BDP1: variants seen among roughly 807,000 people sequenced by gnomAD.
BDP1 encodes the protein transcription factor TFIIIB component B'' homolog.
Under a neutral mutation model 266.6 loss-of-function variants are expected in BDP1, and 169 were observed. The observed-to-expected ratio is 0.63, with a 90% confidence interval of 0.56 to 0.72. The LOEUF (loss-of-function observed/expected upper bound fraction) is 0.72. Among genes scored for constraint, BDP1 ranks in the 30% least tolerant of loss-of-function variants. The pLI is 0.00. For missense variants in BDP1, 3,015 were observed against 3,053.8 expected (o/e 0.99, Z 0.30); for synonymous variants, 1,090 against 1,022.4 (o/e 1.07, Z -1.26).
intron 6 of BDP1, among the ~76,000 whole-genome samples, chr5:71,469,081 A>G (rs1449841430): frequency 3.9e-5 from 6 of 152,146 alleles, no homozygotes; most frequent in Admixed American, 6.5e-5. Flanking sequence ...GAGTAAAAAG[A>G]TTCTATACTT....
In BDP1 at chr5:71,524,025, G is replaced by A; in HGVS notation, c.5474G>A (p.Arg1825Lys). The A allele has an allele frequency of 6.2e-7, 1 of 1,614,180 alleles. No individual in the cohort carries two copies. The highest frequency in any genetic ancestry group is 8.5e-7 in the Non-Finnish European group (1 of 1,180,040). Residue 1825 changes from arginine to lysine, a missense_variant, in exon 25 of 39, where the codon AGA becomes AAA. Physicochemically the swap from Arg to Lys is conservative, Grantham distance 26. Coordinates refer to ENST00000358731, the MANE Select transcript of BDP1 (RefSeq NM_018429.3). ...TTISSTSEYE[R>K]NRGERRSHKK... is the part of the protein sequence containing the mutation. ...ATCTCTTCTACATCTGAGTATGAGA[G>A]AAATCGTGGTGAAAGGAGAAGTCAT...
chr5:71,527,627 TTG>T (rs1289532552), intron 25 of BDP1, among the ~76,000 whole-genome samples: 1 of 152,104 alleles, frequency 6.6e-6, no homozygotes, highest in South Asian at 2.1e-4. Context: ...TAATATTCCA[TTG>T]TGTGTGTGTA....
chr5:71,458,830 T>C lies in BDP1; in HGVS notation c.464T>C (p.Leu155Ser). Residue 155 changes from leucine to serine, a missense_variant, in exon 2 of 39, where the codon TTA becomes TCA. This residue lies in a region of BDP1 where 2,383 missense variants were observed against 2,404.9 expected (regional missense o/e 0.99). Transcript: ENST00000358731. The part of the protein sequence containing the change: ...IYKAQKLREM[L>S]KEELRKEKKQ... ...AAAGCCCAGAAACTGAGGGAAATGT[T>C]AAAAGAAGAATTGAGAAAAGAGAAG... The C allele has an allele frequency of 6.2e-7, 1 of 1,611,680 alleles. No individual in the cohort carries two copies. The highest frequency in any genetic ancestry group is 8.5e-7 in the Non-Finnish European group (1 of 1,179,568).
At chr5:71,523,176 A>C (rs951007741) in intron 24 of BDP1, among the ~76,000 whole-genome samples, 2 of 152,214 alleles carry the variant, frequency 1.3e-5, no homozygotes, top group African/African-American at 4.8e-5. Context: ...TTTCAAAGAA[A>C]ATGGAAAGAA....
chr5:71,478,258 A>G (rs1762720529), intron 7 of BDP1, among the ~76,000 whole-genome samples: 1 of 152,172 alleles, frequency 6.6e-6, no homozygotes, highest in African/African-American at 2.4e-5. Context: ...TCAAAAACAA[A>G]AACAAAAACA....
Position 71,524,152 on chromosome 5 carries a change from T to A in BDP1, c.5601T>A (p.Thr1867=). The A allele has an allele frequency of 6.2e-7, 1 of 1,614,230 alleles. No homozygotes were observed. The highest frequency in any genetic ancestry group is 8.5e-7 in the Non-Finnish European group (1 of 1,180,044). The change falls in exon 25 of 39, where the codon ACT becomes ACA. Residue 1867 remains threonine (T), a synonymous_variant. Transcript: ENST00000358731. ...GAGCTTCCAAGGCCATGCTGGTGAC[T>A]CTTCGGGCTTCCCAGGAAGAAGATG... is the stretch of plus-strand genomic sequence containing the variant. ...EPRASKAMLV[T]LRASQEEDDD...
intron 9 of BDP1, among the ~76,000 whole-genome samples, chr5:71,488,213 C>T (rs1763382626): frequency 6.6e-6 from 1 of 151,980 alleles, no homozygotes; most frequent in Admixed American, 6.5e-5. Flanking sequence ...GAATCCTTCA[C>T]TGCTCGAGTT....
intron 38 of BDP1, among the ~76,000 whole-genome samples, chr5:71,564,166 T>C (rs1227098941): frequency 6.6e-6 from 1 of 152,096 alleles, no homozygotes; most frequent in African/African-American, 2.4e-5. Context: ...AATTTCTATA[T>C]ATATTGGGGT....
intron 6 of BDP1, 77 bp from the exon 7 acceptor site, chr5:71,470,318 A>G (rs1287280161): frequency 9.0e-7 from 1 of 1,114,782 alleles, no homozygotes; most frequent in African/African-American, 1.6e-5. Context: ...AAGTACTGTC[A>G]AATTCTGTAA....
intron 29 of BDP1, 148 bp downstream of exon 29, chr5:71,541,830 G>T: frequency 1.7e-6 from 1 of 585,288 alleles, no homozygotes; most frequent in Non-Finnish European, 2.9e-6. Context: ...TTAGTGGTTT[G>T]CATGTTTAAA....
At chr5:71,483,820 T>G in intron 7 of BDP1, 22 bp from the exon 8 acceptor site, 1 of 1,580,706 alleles carries the variant, frequency 6.3e-7, no homozygotes, top group Non-Finnish European at 8.7e-7. Flanking sequence ...AAAATTACCA[T>G]AGGGTTTTTT....
intron 35 of BDP1, among the ~76,000 whole-genome samples, chr5:71,555,866 T>C (rs1025604531): frequency 6.6e-6 from 1 of 152,216 alleles, no homozygotes; most frequent in Admixed American, 6.5e-5. Flanking sequence ...TTAATATGAA[T>C]TTTAGAATTA....
At chr5:71,568,727 T>C (rs4062889), downstream of BDP1, among the ~76,000 whole-genome samples, 120,440 of 152,230 alleles carry the variant, frequency 0.79, 48,141 homozygotes, top group East Asian at 0.88. Flanking sequence ...CTCTTATATA[T>C]GTATGTCTTC....
chr5:71,529,375 G>A (rs1561756211), intron 25 of BDP1, among the ~76,000 whole-genome samples: 1 of 150,406 alleles, frequency 6.6e-6, no homozygotes, highest in Admixed American at 6.6e-5. Context: ...GGGCGAAAGA[G>A]CGAAGCTCTG....
At chr5:71,533,482 T>TG (rs1383165779) in intron 26 of BDP1, among the ~76,000 whole-genome samples, 2 of 151,714 alleles carry the variant, frequency 1.3e-5, no homozygotes, top group East Asian at 3.9e-4. Context: ...TTTTTTTTTT[T>TG]TTTGAGACGG....
In BDP1 at chr5:71,470,398, CAG is replaced by C; in HGVS notation, c.925_926del (p.Asp309TyrfsTer12). ...TCTAAATCTTTTATTTTCACAGAAA[CAG>C]ATATGTTTTTTTTAGCCATCAGCAT... On this transcript the variant is annotated frameshift_variant, in exon 7 of 39. Transcript: ENST00000358731. LOFTEE classifies it high-confidence loss of function. 6.3e-7 allele frequency: 1 copy of C among 1,589,768 alleles called. No homozygotes were observed. Among genetic ancestry groups the C allele is most frequent in the Non-Finnish European group, 8.6e-7 (1 of 1,164,156 alleles).
intron 10 of BDP1, 106 bp from the exon 11 acceptor site, chr5:71,490,878 G>A (rs1763543357): frequency 8.6e-7 from 1 of 1,167,140 alleles, no homozygotes; most frequent in African/African-American, 1.6e-5. Context: ...CTTGAATGTT[G>A]CTTAAGGTTT....
intron 38 of BDP1, among the ~76,000 whole-genome samples, chr5:71,564,225 T>C (rs1325069357): frequency 6.6e-6 from 1 of 152,190 alleles, no homozygotes; most frequent in African/African-American, 2.4e-5. Context: ...CGTGTGCCAA[T>C]ACCATGCTGT....
At chr5:71,470,231 C>G (rs748186258) in intron 6 of BDP1, among the ~76,000 whole-genome samples, 164 bp from the exon 7 acceptor site, 1 of 152,064 alleles carries the variant, frequency 6.6e-6, no homozygotes, top group Non-Finnish European at 1.5e-5. Flanking sequence ...GCCCAGCCTA[C>G]GATTTCTTAT....
Sources: allele counts gnomAD v4.1 joint callset (sites outside exome capture counted in the v4.1 genomes callset), GRCh38; gene constraint gnomAD v4.1.1; regional missense constraint gnomAD v4.1.1; transcripts MANE v1.5; gene names NCBI Gene and HGNC (gene_info 2026-07-23, HGNC 2026-07-21).